The following ACRBP variants were observed in gnomAD, a reference collection of about 807,000 sequenced individuals.
ACRBP encodes acrosin binding protein.
Under a neutral mutation model 69.0 loss-of-function variants are expected in ACRBP, and 52 were observed. The observed-to-expected ratio is 0.75, with a 90% CI of 0.60 to 0.95. The LOEUF (loss-of-function observed/expected upper bound fraction) is 0.95. Ranked by LOEUF, ACRBP falls within the 40% of genes least tolerant of loss-of-function variation. The probability of loss-of-function intolerance (pLI) is 0.00; values close to 1 mark genes in which losing one functional copy is unlikely to be tolerated. For missense variants in ACRBP, 604 were observed against 673.0 expected, an observed-to-expected ratio of 0.90 and a Z score of 1.13; for synonymous variants, 267 against 258.9, an observed-to-expected ratio of 1.03 and a Z score of -0.30.
intron 5 of ACRBP, 99 bp downstream of exon 5, chr12:6,644,038 G>T: frequency 5.3e-6 from 8 of 1,507,696 alleles, no homozygotes; most frequent in Non-Finnish European, 7.1e-6. Flanking sequence ...AGACAGGTCT[G>T]AGTGGATCTG....
Position 6,640,419 on chromosome 12 carries a change from T to C in ACRBP, c.1181A>G (p.Gln394Arg). 6.2e-7 allele frequency: 1 copy of C among 1,614,200 alleles called. No individual in the cohort carries two copies. The highest frequency in any genetic ancestry group is 8.5e-7 in the Non-Finnish European group (1 of 1,180,042). The change falls in exon 7 of 10, where the codon CAA becomes CGA. Residue 394 changes from glutamine to arginine, a missense_variant. Transcript: ENST00000229243. The surrounding 1 kb of genome is among the most constrained non-coding windows in gnomAD (Gnocchi z 5.3). ...AGTCTTGTGGGAGGTGTCGCATTGT[T>C]GCCGCTGCAGGCTGGCCTCTGAGTG... ...QCHSEASLQR[Q>R]QCDTSHKTPF...
intron 2 of ACRBP, 45 bp downstream of exon 2, chr12:6,646,749 T>C: frequency 6.2e-7 from 1 of 1,607,706 alleles, no homozygotes; most frequent in Non-Finnish European, 8.5e-7. Context: ...GAGGTTTGGG[T>C]GAACACTCTG....
rs79806562 is a variant in ACRBP at position 6,643,820 on chromosome 12, G to A, written c.945-149C>T. 899 of 1,198,768 alleles carry A rather than the reference G, an allele frequency of 7.5e-4. 8 individuals carry two copies. In the African/African-American group the frequency reaches 0.012, roughly 16 times the overall value. 74.3% of individuals were successfully genotyped at this position (1,198,768 alleles called of 1,614,324 possible). The stretch of plus-strand genomic sequence containing the variant: ...GGCCTTAGAGGCCTCTGGACAAATC[G>A]CCTCATTTTTCAAATGAGGAACTGA... On this transcript the variant is annotated intron_variant, in intron 5 of 9. Coordinates refer to ENST00000229243, the MANE Select transcript of ACRBP (RefSeq NM_032489.3).
chr12:6,643,699 G>T, intron 5 of ACRBP, 28 bp from the exon 6 acceptor site: 2 of 1,607,282 alleles, frequency 1.2e-6, no homozygotes, highest in Non-Finnish European at 1.7e-6. Flanking sequence ...TGAGGGTGGG[G>T]CTGGGCCAGG....
At position 6,646,595 on chromosome 12, in the gene ACRBP, TGGA is replaced by T; in HGVS notation, c.263-21_263-19del. The T allele has an allele frequency of 6.2e-7, 1 of 1,608,540 alleles. No homozygotes were observed. On this transcript the variant is annotated intron_variant, in intron 2 of 9. Coordinates refer to ENST00000229243, the MANE Select transcript of ACRBP (RefSeq NM_032489.3). ...GACAGCACCTGAGAAAGGGCAGGGG[TGGA>T]GAAGATGAACCCGTGGGGAGCTTGG...
chr12:6,645,702 C>T (rs1407484972), intron 3 of ACRBP, among the ~76,000 whole-genome samples: 1 of 148,430 alleles, frequency 6.7e-6, no homozygotes, highest in Non-Finnish European at 1.5e-5. Context: ...ACTCTGTCAC[C>T]CAGGCTGGAG....
rs774027808 is a variant in ACRBP, at chr12:6,644,226, G to A, written c.855C>T (p.Ile285=). Residue 285 remains isoleucine, a synonymous_variant, in exon 5 of 10, where the codon ATC becomes ATT. Coordinates refer to ENST00000229243, the MANE Select transcript of ACRBP (RefSeq NM_032489.3). ...CCTGGGCTGATCGAATGAGCTCCTG[G>A]ATGTTCTCCATTATCATAGGAGTAG... ...VESTPMIMEN[I]QELIRSAQEI... 3.0e-5 allele frequency: 48 copies of A among 1,613,962 alleles called. No individual in the cohort carries two copies. The highest frequency in any genetic ancestry group is 3.9e-5 in the Non-Finnish European group (46 of 1,179,914).
rs142341550 is a variant in ACRBP, at chr12:6,644,404, T to C, written c.677A>G (p.Gln226Arg). 2 of 1,614,098 alleles carry C rather than the reference T, an allele frequency of 1.2e-6. No homozygotes were observed. Among genetic ancestry groups the C allele is most frequent in the East Asian group, 4.5e-5 (2 of 44,872 alleles). The change falls in exon 5 of 10, where the codon CAG becomes CGG. Residue 226 changes from glutamine (Q) to arginine (R), a missense_variant. By Grantham distance (43) the Gln-to-Arg change is conservative (BLOSUM62 1). Coordinates refer to ENST00000229243, the MANE Select transcript of ACRBP (RefSeq NM_032489.3). Reference protein sequence around the residue: ...GQKQEEQEEEQEEEGKQEEGQ... With the variant: ...GQKQEEQEEEREEEGKQEEGQ... ...TTCTTCCTGCTTTCCCTCCTCTTCC[T>C]GTTCCTCTTCTTGCTCTTCCTGTTT... is the stretch of plus-strand genomic sequence containing the variant.
In ACRBP at chr12:6,647,325, C is replaced by T; in HGVS notation, c.42G>A (p.Lys14=). The change falls in exon 1 of 10, where the codon AAG becomes AAA. Residue 14 remains lysine, a splice_region_variant and synonymous_variant. Coordinates refer to ENST00000229243, the MANE Select transcript of ACRBP (RefSeq NM_032489.3). ...PAAGFLPSLL[K]VLLLPLAPAA... ...TTGGAGCAGGTGTAAACCTCTCACC[C>T]TTCAGGAGTGAGGGAAGGAAGCCAG... 6.4e-7 allele frequency: 1 copy of T among 1,553,168 alleles called. No individual in the cohort carries two copies. The highest frequency in any genetic ancestry group is 2.4e-5 in the East Asian group (1 of 41,352).
In ACRBP at chr12:6,646,508, C is replaced by A; in HGVS notation, c.332G>T (p.Cys111Phe). 1 of 1,614,048 alleles carries A rather than the reference C, an allele frequency of 6.2e-7. No individual in the cohort carries two copies. The highest frequency in any genetic ancestry group is 8.5e-7 in the Non-Finnish European group (1 of 1,180,014). ...ESFCQFTHYRCSNHVYYAKRV... is the reference protein window; with the variant it reads ...ESFCQFTHYRFSNHVYYAKRV... ...CTTGGCATAGTAGACGTGGTTGGAGCAACGGTAGTGAGTGAACTGGCAGAA... is the reference window on the plus strand; with the variant it reads ...CTTGGCATAGTAGACGTGGTTGGAGAAACGGTAGTGAGTGAACTGGCAGAA... Residue 111 changes from cysteine (C) to phenylalanine (F), a missense_variant, in exon 3 of 10, where the codon TGC becomes TTC. By Grantham distance (205) the Cys-to-Phe change is radical (BLOSUM62 -2). Around this residue, in one of 3 missense-constraint regions of ACRBP, gnomAD observed 532 missense variants for 562.9 expected, o/e 0.95. Transcript: ENST00000229243.
chr12:6,645,199 C>T (rs541314219), intron 4 of ACRBP, 21 bp downstream of exon 4: 20 of 1,573,098 alleles, frequency 1.3e-5, no homozygotes, highest in East Asian at 6.7e-5. Flanking sequence ...GGTGGTCTCC[C>T]GGCTGCTGAG....
Position 6,638,414 on chromosome 12 carries a change from G to C in ACRBP, c.1510-10C>G, listed in dbSNP as rs760451740. On this transcript the variant is annotated splice_polypyrimidine_tract_variant and intron_variant, in intron 9 of 9. Transcript: ENST00000229243. ...ATCTCATGCGGGACACCTACACAGA[G>C]ATTCAGTGCAGACGGTCTGTATCAC... is the stretch of plus-strand genomic sequence containing the variant. The C allele has an allele frequency of 6.2e-7, 1 of 1,613,908 alleles. No homozygotes were observed. The highest frequency in any genetic ancestry group is 8.5e-7 in the Non-Finnish European group (1 of 1,180,012).
At position 6,640,474 on chromosome 12, in the gene ACRBP, C is replaced by T; in HGVS notation, c.1126G>A (p.Asp376Asn). The stretch of plus-strand genomic sequence containing the variant: ...TGCTCCAGCTTCAAGGAGCAGAAGT[C>T]ACAGAGGGCACAGGTAGACATGTGT... Reference protein sequence around the residue: ...RRHMSTCALCDFCSLKLEQCH... With the variant: ...RRHMSTCALCNFCSLKLEQCH... Residue 376 changes from aspartate to asparagine, a missense_variant, in exon 7 of 10, where the codon GAC (aspartate) becomes AAC (asparagine). This residue lies in a region of ACRBP where 532 missense variants were observed against 562.9 expected (regional missense o/e 0.95). Coordinates refer to ENST00000229243, the MANE Select transcript of ACRBP (RefSeq NM_032489.3). The surrounding 1 kb of genome is among the most constrained non-coding windows in gnomAD (Gnocchi z 5.3). 3 of 1,614,116 alleles carry T rather than the reference C, an allele frequency of 1.9e-6. No homozygotes were observed. The highest frequency in any genetic ancestry group is 1.1e-5 in the South Asian group (1 of 91,066).
intron 9 of ACRBP, chr12:6,638,610 G>T: frequency 8.0e-7 from 1 of 1,257,428 alleles, no homozygotes; most frequent in Middle Eastern, 2.8e-4. Flanking sequence ...GAAACAGGCG[G>T]CTGAGGCTCA....
intron 3 of ACRBP, among the ~76,000 whole-genome samples, chr12:6,646,187 G>C (rs930566170): frequency 1.5e-4 from 23 of 149,024 alleles, no homozygotes; most frequent in Non-Finnish European, 2.5e-4. Flanking sequence ...GGCCAGGCTG[G>C]TCTCGAACTC....
chr12:6,643,654 T>G lies in ACRBP; in HGVS notation c.962A>C (p.His321Pro), dbSNP rs1407639973. The change falls in exon 6 of 10, where the codon CAC (histidine) becomes CCC (proline). Residue 321 changes from histidine (H) to proline (P), a missense_variant. Around this residue, in one of 3 missense-constraint regions of ACRBP, gnomAD observed 532 missense variants for 562.9 expected, o/e 0.95. Coordinates refer to ENST00000229243, the MANE Select transcript of ACRBP (RefSeq NM_032489.3). ...GCACAGCACCAGCAAGGCCTCTGTG[T>G]GGGGCAGCTGCAGGAGGCTGCAAGA... ...QNPGSLLQLPHTEALLVLCYS... is the reference protein window; with the variant it reads ...QNPGSLLQLPPTEALLVLCYS... 1 of 1,614,118 alleles carries G rather than the reference T, an allele frequency of 6.2e-7. No individual in the cohort carries two copies. The highest frequency in any genetic ancestry group is 1.1e-5 in the South Asian group (1 of 91,080).
Position 6,643,583 on chromosome 12 carries a change from C to A in ACRBP, c.1033G>T (p.Ala345Ser), listed in dbSNP as rs1431343618. The A allele has an allele frequency of 5.0e-6, 8 of 1,614,140 alleles. No homozygotes were observed. Among genetic ancestry groups the A allele is most frequent in the Non-Finnish European group, 6.8e-6 (8 of 1,180,062 alleles). Residue 345 changes from alanine to serine, a missense_variant, in exon 6 of 10, where the codon GCC (alanine) becomes TCC (serine). Ala to Ser is a moderately conservative substitution (Grantham distance 99). Coordinates refer to ENST00000229243, the MANE Select transcript of ACRBP (RefSeq NM_032489.3). ...NTCIITPTAKAWKYMEEEILG... is the reference protein window; with the variant it reads ...NTCIITPTAKSWKYMEEEILG... ...ATCTCCTCCTCCATGTACTTCCAGG[C>A]CTTGGCTGTGGGGGTTATGATGCAG...
At chr12:6,645,955 C>T (rs113737586) in intron 3 of ACRBP, among the ~76,000 whole-genome samples, 5,008 of 151,058 alleles carry the variant, frequency 0.033, 93 homozygotes, top group Admixed American at 0.044. Flanking sequence ...CCACCGCACT[C>T]GTCCCTGTTG....
rs143977947 is a variant in ACRBP at position 6,640,121 on chromosome 12, C to G, written c.1364G>C (p.Arg455Pro). 2 of 1,614,208 alleles carry G rather than the reference C, an allele frequency of 1.2e-6. No homozygotes were observed. The highest frequency in any genetic ancestry group is 1.7e-6 in the Non-Finnish European group (2 of 1,180,032). ...RLATKGCEDV[R>P]VSGWLQTEFL... is the part of the protein sequence containing the mutation. Reference sequence around the variant, plus strand: ...CTCAGTCTGGAGCCACCCAGAGACTCGGACATCTTCACAGCCTTTCGTGGC... The same window carrying G: ...CTCAGTCTGGAGCCACCCAGAGACTGGGACATCTTCACAGCCTTTCGTGGC... The change falls in exon 8 of 10, where the codon CGA becomes CCA. Residue 455 changes from arginine to proline, a missense_variant. Around this residue, in one of 3 missense-constraint regions of ACRBP, gnomAD observed 532 missense variants for 562.9 expected, o/e 0.95. Coordinates refer to ENST00000229243, the MANE Select transcript of ACRBP (RefSeq NM_032489.3). This position sits in a 1 kb window ranked among gnomAD's most constrained non-coding sequence, Gnocchi z 5.3.
Sources: allele counts gnomAD v4.1 joint callset (sites outside exome capture counted in the v4.1 genomes callset), GRCh38; gene constraint gnomAD v4.1.1; regional missense constraint gnomAD v4.1.1; non-coding constraint Gnocchi (gnomAD v3.1); transcripts MANE v1.5; gene names NCBI Gene and HGNC (gene_info 2026-07-23, HGNC 2026-07-21).